The following PTRH1 variants were observed in gnomAD, a reference collection of about 807,000 sequenced individuals.
PTRH1 encodes peptidyl-tRNA hydrolase.
Under a neutral mutation model 15.7 loss-of-function variants are expected in PTRH1, and 13 were observed. The observed-to-expected ratio is 0.83, with a 90% CI of 0.54 to 1.31. The LOEUF (loss-of-function observed/expected upper bound fraction) is 1.31. Ranked by LOEUF, PTRH1 falls within the 40% of genes most tolerant of loss-of-function variation. The probability of loss-of-function intolerance (pLI) is 0.00; values close to 1 mark genes in which losing one functional copy is unlikely to be tolerated. For missense variants in PTRH1, 319 were observed against 296.2 expected (o/e 1.08, Z -0.56); for synonymous variants, 139 against 136.7 (o/e 1.02, Z -0.12).
chr9:127,707,249 T>TG (rs1398325602), intron 1 of PTRH1: 2 of 1,579,212 alleles, frequency 1.3e-6, no homozygotes, highest in African/African-American at 2.7e-5. Flanking sequence ...CATGCCCAGG[T>TG]GGCCCCCATG....
intron 1 of PTRH1, among the ~76,000 whole-genome samples, chr9:127,701,775 G>A (rs1454945433): frequency 5.9e-5 from 9 of 152,186 alleles, no homozygotes; most frequent in African/African-American, 1.9e-4. Flanking sequence ...TTAGTCGGGC[G>A]TGGTGGCAGA....
intron 1 of PTRH1, among the ~76,000 whole-genome samples, chr9:127,706,753 C>A (rs1842653394): frequency 6.6e-6 from 1 of 152,192 alleles, no homozygotes; most frequent in Admixed American, 6.5e-5. Flanking sequence ...CCCCATGGCG[C>A]TTATTTCCAC....
chr9:127,714,164 C>T lies in PTRH1; in HGVS notation c.581G>A (p.Arg194Gln), dbSNP rs147912974. The change falls in exon 5 of 5, where the codon CGA becomes CAA. Residue 194 changes from arginine to glutamine, a missense_variant. Physicochemically the swap from Arg to Gln is conservative, Grantham distance 43. Coordinates refer to ENST00000543175, the MANE Select transcript of PTRH1 (RefSeq NM_001002913.3). ...EQELLPLLLD[R>Q]ATDLILDHIR... ...GTGGTCCAAGATCAGGTCGGTGGCTCGATCCAGCAACAGAGGCAGCAGCTC... is the reference window on the plus strand; with the variant it reads ...GTGGTCCAAGATCAGGTCGGTGGCTTGATCCAGCAACAGAGGCAGCAGCTC... 8.4e-4 allele frequency: 1,348 copies of T among 1,613,852 alleles called. No individual in the cohort carries two copies. The highest frequency in any genetic ancestry group is 1.1e-3 in the Non-Finnish European group (1,270 of 1,180,014).
At chr9:127,709,282 G>A (rs1289133143), downstream of PTRH1, 5 of 813,638 alleles carry the variant, frequency 6.1e-6, no homozygotes, top group Non-Finnish European at 7.7e-6. The surrounding 1 kb of genome is among the most constrained non-coding windows in gnomAD (Gnocchi z 4.7). Context: ...GGCATAGTGG[G>A]AGATGAGGCT....
downstream of PTRH1, chr9:127,713,754 G>A (rs529858814): frequency 4.4e-4 from 532 of 1,197,058 alleles, 8 homozygotes; most frequent in South Asian, 6.3e-3. Flanking sequence ...CAATCCCCCA[G>A]CCTCGGCCTC....
chr9:127,712,282 A>G (rs201161264), downstream of PTRH1: 10 of 1,614,082 alleles, frequency 6.2e-6, no homozygotes, highest in Middle Eastern at 1.6e-4. Context: ...GCTAATGAGC[A>G]GAAGGTTCGG....
downstream of PTRH1, chr9:127,709,402 C>T (rs373677847): frequency 1.7e-4 from 279 of 1,608,990 alleles, no homozygotes; most frequent in African/African-American, 2.3e-3. This position sits in a 1 kb window ranked among gnomAD's most constrained non-coding sequence, Gnocchi z 4.7. Flanking sequence ...CCCTGGACCA[C>T]GGCTCTGCCC....
At chr9:127,713,033 C>T (rs79537388), downstream of PTRH1, 1,274 of 1,613,446 alleles carry the variant, frequency 7.9e-4, 6 homozygotes, top group African/African-American at 0.014. Flanking sequence ...GCCCAGCATC[C>T]AGCTGCCCAG....
At chr9:127,698,553 G>A (rs139267719) in intron 1 of PTRH1, among the ~76,000 whole-genome samples, 1 of 152,170 alleles carries the variant, frequency 6.6e-6, no homozygotes, top group Non-Finnish European at 1.5e-5. Flanking sequence ...AGCCAGTCGT[G>A]GTGGCACATG....
At chr9:127,706,951 C>T (rs1666113419) in intron 1 of PTRH1, 4 of 1,529,932 alleles carry the variant, frequency 2.6e-6, no homozygotes, top group Non-Finnish European at 3.5e-6. Context: ...ACTCCCTCGG[C>T]CTGTTGCTAT....
chr9:127,709,563 C>CA (rs1564365150), downstream of PTRH1: 14 of 1,613,976 alleles, frequency 8.7e-6, no homozygotes, highest in Non-Finnish European at 1.2e-5. The surrounding 1 kb of genome is among the most constrained non-coding windows in gnomAD (Gnocchi z 4.7). Flanking sequence ...TCACAGACCT[C>CA]AACGAGCAGC....
chr9:127,710,736 C>A, downstream of PTRH1: 1 of 1,567,208 alleles, frequency 6.4e-7, no homozygotes, highest in South Asian at 1.2e-5. Flanking sequence ...GAGAAGAAGT[C>A]GGTGCTGGAC....
At chr9:127,712,747 G>C, downstream of PTRH1, 2 of 1,614,206 alleles carry the variant, frequency 1.2e-6, no homozygotes, top group Non-Finnish European at 1.7e-6. Context: ...TTGACGTGAC[G>C]TTCCAGCCAT....
chr9:127,711,912 G>C (rs1243194458), downstream of PTRH1: 2 of 1,604,930 alleles, frequency 1.2e-6, no homozygotes, highest in East Asian at 4.5e-5. Flanking sequence ...AGTTGGAGCA[G>C]AGATCCCTGC....
At chr9:127,712,159 G>C (rs1842780930), downstream of PTRH1, 3 of 1,610,222 alleles carry the variant, frequency 1.9e-6, no homozygotes, top group East Asian at 6.7e-5. Flanking sequence ...CAGTCCTGGG[G>C]AAGGGGGAAG....
downstream of PTRH1, chr9:127,711,885 G>T: frequency 6.3e-7 from 1 of 1,594,878 alleles, no homozygotes; most frequent in Non-Finnish European, 8.5e-7. Flanking sequence ...CCGAGGAGCT[G>T]CGCCTCCTGC....
At chr9:127,697,394 T>G (rs887078913) in intron 1 of PTRH1, among the ~76,000 whole-genome samples, 1 of 152,144 alleles carries the variant, frequency 6.6e-6, no homozygotes, top group African/African-American at 2.4e-5. Context: ...GCGTAGTGGC[T>G]CACACCTGTA....
At position 127,714,081 on chromosome 9, in the gene PTRH1, G is replaced by T. The variant is rs1405822727; in HGVS notation, c.*19C>A. The stretch of plus-strand genomic sequence containing the variant: ...GTTGGTGGGCACTACAGTCAGGCAG[G>T]CAGCCATGGCCACTAGTGTCACGGC... On this transcript the variant is annotated 3_prime_UTR_variant, in exon 5 of 5. Coordinates refer to ENST00000543175, the MANE Select transcript of PTRH1 (RefSeq NM_001002913.3). The T allele has an allele frequency of 1.9e-6, 3 of 1,608,348 alleles. No individual in the cohort carries two copies. Among genetic ancestry groups the T allele is most frequent in the Non-Finnish European group, 1.7e-6 (2 of 1,177,526 alleles).
At position 127,714,670 on chromosome 9, in the gene PTRH1, A is replaced by G; in HGVS notation, c.349T>C (p.Tyr117His). 2 of 1,613,802 alleles carry G rather than the reference A, an allele frequency of 1.2e-6. No homozygotes were observed. Among genetic ancestry groups the G allele is most frequent in the Non-Finnish European group, 1.7e-6 (2 of 1,179,866 alleles). ...TTGTCCAGCTCATCATGCACCAGGT[A>G]GACTTCCTCGGCAGTCAGCCCAAAC... is the stretch of plus-strand genomic sequence containing the variant. Reference protein sequence around the residue: ...ELFGLTAEEVYLVHDELDKPL... With the variant: ...ELFGLTAEEVHLVHDELDKPL... Residue 117 changes from tyrosine (Y) to histidine (H), a missense_variant, in exon 3 of 5, where the codon TAC becomes CAC. Coordinates refer to ENST00000543175, the MANE Select transcript of PTRH1 (RefSeq NM_001002913.3).
Sources: allele counts gnomAD v4.1 joint callset (sites outside exome capture counted in the v4.1 genomes callset), GRCh38; gene constraint gnomAD v4.1.1; non-coding constraint Gnocchi (gnomAD v3.1); transcripts MANE v1.5; gene names NCBI Gene and HGNC (gene_info 2026-07-23, HGNC 2026-07-21).